The following CACNA2D3 variants were observed in gnomAD, a reference collection of about 807,000 sequenced individuals.
The protein encoded by CACNA2D3 is calcium voltage-gated channel auxiliary subunit alpha2delta 3.
In CACNA2D3, 60 loss-of-function variants were observed where a neutral mutation model predicts 160.6. The ratio of observed to expected loss-of-function variants is 0.37; its 90% CI spans 0.30 to 0.46. The LOEUF (loss-of-function observed/expected upper bound fraction) is 0.46, where lower values mean the gene tolerates loss of function less well. CACNA2D3 is among the 20% of genes least tolerant of loss of function. The probability of loss-of-function intolerance (pLI) is 1.00; values close to 1 mark genes in which losing one functional copy is unlikely to be tolerated. For synonymous variants in CACNA2D3, 558 were observed against 492.9 expected (o/e 1.13, Z -1.75); for missense variants, 1,205 against 1,365.0 (o/e 0.88, Z 1.85).
intron 13 of CACNA2D3, among the ~76,000 whole-genome samples, chr3:54,791,682 G>A (rs552340355): frequency 6.6e-6 from 1 of 152,170 alleles, no homozygotes; most frequent in South Asian, 2.1e-4. Context: ...TCAAAACAGA[G>A]GGCAGTCACA....
At chr3:54,534,615 TA>T (rs561979466) in intron 5 of CACNA2D3, among the ~76,000 whole-genome samples, 64 of 143,094 alleles carry the variant, frequency 4.5e-4, no homozygotes, top group Middle Eastern at 3.5e-3. Context: ...ACCAACTTCT[TA>T]AAAAAAAAAA....
intron 27 of CACNA2D3, chr3:54,918,498 C>A: frequency 1.2e-6 from 2 of 1,613,962 alleles, no homozygotes; most frequent in Non-Finnish European, 1.7e-6. Flanking sequence ...TTTCTTCCAC[C>A]TTCCCAGGAT....
intron 27 of CACNA2D3, among the ~76,000 whole-genome samples, chr3:54,953,572 C>G (rs1701810079): frequency 6.6e-6 from 1 of 152,188 alleles, no homozygotes; most frequent in East Asian, 1.9e-4. Flanking sequence ...CTTATTCTCT[C>G]AAAGCCACTT....
At chr3:54,799,793 C>G (rs890935601) in intron 13 of CACNA2D3, among the ~76,000 whole-genome samples, 1 of 152,154 alleles carries the variant, frequency 6.6e-6, no homozygotes, top group Non-Finnish European at 1.5e-5. Context: ...GGCTGTCTGC[C>G]TCACACAGCA....
In CACNA2D3 at chr3:55,004,886, T is replaced by C. The variant is rs187803562; in HGVS notation, c.2766+48T>C. On this transcript the variant is annotated intron_variant, in intron 32 of 37. Transcript: ENST00000474759. The stretch of plus-strand genomic sequence containing the variant: ...GAAAACAGCCACACATTTCTGTCTT[T>C]CTCCCTGTCTGAGTGTTATCTTCCT... 8.1e-4 allele frequency: 1,065 copies of C among 1,307,592 alleles called. 8 individuals are homozygous for C. In the African/African-American group the frequency reaches 0.013, roughly 16 times the overall value. The allele number at this position is 1,307,592 out of a possible 1,614,324, so 81.0% of individuals were successfully genotyped here. A position where few individuals can be genotyped will look rare whatever the true frequency, so the allele number is the denominator to read the frequency against.
intron 2 of CACNA2D3, among the ~76,000 whole-genome samples, chr3:54,219,565 C>CG (rs1420402038): frequency 6.6e-6 from 1 of 152,144 alleles, no homozygotes; most frequent in Non-Finnish European, 1.5e-5. Context: ...TCTCTTCCTT[C>CG]GGGGGGATTT....
At chr3:54,721,652 T>C (rs1701171825) in intron 11 of CACNA2D3, among the ~76,000 whole-genome samples, 1 of 151,598 alleles carries the variant, frequency 6.6e-6, no homozygotes, top group Middle Eastern at 3.4e-3. Context: ...TCCCAACTAC[T>C]TGGGAGGCTG....
At chr3:54,593,505 A>G (rs962249466) in intron 9 of CACNA2D3, among the ~76,000 whole-genome samples, 5 of 152,142 alleles carry the variant, frequency 3.3e-5, no homozygotes, top group African/African-American at 7.2e-5. Context: ...TACACCTGAT[A>G]TATTTCTCCA....
chr3:54,384,778 G>GGCT, intron 3 of CACNA2D3, among the ~76,000 whole-genome samples: 1 of 152,272 alleles, frequency 6.6e-6, no homozygotes, highest in South Asian at 2.1e-4. Context: ...GGAATGCAGT[G>GGCT]GTGTGATCTC....
rs553769075 is a variant in CACNA2D3, at chr3:54,739,966, C to G, written c.1168-12633C>G. Among the ~76,000 whole-genome samples, 3 of 152,186 alleles carry G rather than the reference C, an allele frequency of 2.0e-5. No individual in the cohort carries two copies. In the South Asian group the frequency reaches 6.2e-4, roughly 32 times the overall value. On this transcript the variant is annotated intron_variant, in intron 11 of 37. Coordinates refer to ENST00000474759, the MANE Select transcript of CACNA2D3 (RefSeq NM_018398.3). ...GCAGAGACCATATGGATTTTTTCCTCCCCATTGTGCCTCCAGCCTGCAGCA... is the reference window on the plus strand; with the variant it reads ...GCAGAGACCATATGGATTTTTTCCTGCCCATTGTGCCTCCAGCCTGCAGCA...
At chr3:54,812,257 G>T (rs1480974216) in intron 13 of CACNA2D3, among the ~76,000 whole-genome samples, 1 of 152,182 alleles carries the variant, frequency 6.6e-6, no homozygotes, top group Non-Finnish European at 1.5e-5. Flanking sequence ...GCTAAGCTTG[G>T]CTAAAATTAG....
chr3:55,031,844 A>G lies in CACNA2D3; in HGVS notation c.2987+13527A>G, dbSNP rs373945861. ...ATTAGAGGTGTAGATGATCAAAGTC[A>G]GGAGGATGTGGGAGAAATTATCAGG... On this transcript the variant is annotated intron_variant, in intron 35 of 37. Coordinates refer to ENST00000474759, the MANE Select transcript of CACNA2D3 (RefSeq NM_018398.3). 2.8e-3 allele frequency among the ~76,000 whole-genome samples: 433 copies of G among 152,122 alleles called. 6 individuals carry two copies. The South Asian group carries it at 0.034, about 12-fold the overall frequency.
At chr3:54,809,307 C>CTTTTTTTTTTTTTTT (rs1417063441) in intron 13 of CACNA2D3, among the ~76,000 whole-genome samples, 23 of 86,256 alleles carry the variant, frequency 2.7e-4, no homozygotes, top group Non-Finnish European at 3.6e-4. Flanking sequence ...TTCCTTCCTT[C>CTTTTTTTTTTTTTTT]TTTCTTTTTT....
intron 32 of CACNA2D3, among the ~76,000 whole-genome samples, chr3:55,007,303 C>G (rs1703119074): frequency 6.6e-6 from 1 of 152,102 alleles, no homozygotes; most frequent in Non-Finnish European, 1.5e-5. Flanking sequence ...AGCTTAAATC[C>G]TACATAATTC....
chr3:54,961,529 A>G (rs1379661116), intron 27 of CACNA2D3, among the ~76,000 whole-genome samples: 1 of 152,230 alleles, frequency 6.6e-6, no homozygotes, highest in Non-Finnish European at 1.5e-5. Context: ...CTGTTTGTAG[A>G]ACAAGCCAGT....
chr3:54,348,095 G>A (rs1698489975), intron 3 of CACNA2D3, among the ~76,000 whole-genome samples: 1 of 152,204 alleles, frequency 6.6e-6, no homozygotes, highest in East Asian at 1.9e-4. Context: ...TTGGAGTGAT[G>A]AGTTGATTGC....
At chr3:54,449,683 G>A (rs1322001120) in intron 4 of CACNA2D3, among the ~76,000 whole-genome samples, 2 of 152,108 alleles carry the variant, frequency 1.3e-5, no homozygotes, top group South Asian at 4.2e-4. Context: ...ACAAGTGTGT[G>A]GCACCTCCAC....
At chr3:54,191,153 C>G (rs1489563897) in intron 2 of CACNA2D3, among the ~76,000 whole-genome samples, 1 of 151,708 alleles carries the variant, frequency 6.6e-6, no homozygotes, top group African/African-American at 2.4e-5. Context: ...GGCCAAAACA[C>G]ATTCCTGCTC....
intron 35 of CACNA2D3, among the ~76,000 whole-genome samples, chr3:55,024,977 A>G (rs1053954827): frequency 6.6e-6 from 1 of 152,100 alleles, no homozygotes; most frequent in Non-Finnish European, 1.5e-5. Context: ...ATCCTTTTTG[A>G]CCAAATGCAT....
Sources: gnomAD v4.1 joint callset for allele counts (sites outside exome capture counted in the v4.1 genomes callset) on GRCh38, gnomAD v4.1.1 for gene constraint, MANE v1.5 for transcripts, NCBI Gene and HGNC (gene_info 2026-07-23, HGNC 2026-07-21) for gene names.